CACNA1D: variants seen among roughly 807,000 people sequenced by gnomAD.
CACNA1D encodes the protein calcium voltage-gated channel subunit alpha1 D, also known as voltage-dependent L-type calcium channel subunit alpha-1D.
CACNA1D carries 55 observed loss-of-function variants against 257.1 expected under a neutral mutation model. The observed-to-expected ratio is 0.21, with a 90% CI of 0.17 to 0.27. CACNA1D has a LOEUF of 0.27. Ranked by LOEUF, CACNA1D falls within the 10% of genes least tolerant of loss-of-function variation. The pLI is 1.00. For missense variants in CACNA1D, 1,876 were observed against 2,784.0 expected (o/e 0.67, Z 7.34); for synonymous variants, 980 against 1,014.9 (o/e 0.97, Z 0.65).
chr3:53,500,311 G>A (rs1182407186), intron 2 of CACNA1D, among the ~76,000 whole-genome samples: 1 of 144,384 alleles, frequency 6.9e-6, no homozygotes, highest in African/African-American at 2.6e-5. Flanking sequence ...CATGACTGTA[G>A]TTCCAGCTAC....
intron 8 of CACNA1D, among the ~76,000 whole-genome samples, chr3:53,684,715 A>C (rs1413278787): frequency 2.0e-5 from 3 of 152,090 alleles, no homozygotes; most frequent in Admixed American, 2.0e-4. Flanking sequence ...AATTTAAAGT[A>C]AGCACAAGGT....
At chr3:53,554,564 A>G (rs2092603244) in intron 3 of CACNA1D, among the ~76,000 whole-genome samples, 2 of 152,082 alleles carry the variant, frequency 1.3e-5, no homozygotes, top group South Asian at 4.2e-4. Context: ...ATGCACTTAG[A>G]TTTCGTTACC....
intron 3 of CACNA1D, among the ~76,000 whole-genome samples, chr3:53,645,960 G>A (rs2094015441): frequency 6.6e-6 from 1 of 152,196 alleles, no homozygotes; most frequent in South Asian, 2.1e-4. Context: ...CAGATCTATG[G>A]CTCCAAGCCC....
intron 38 of CACNA1D, among the ~76,000 whole-genome samples, chr3:53,780,827 C>T (rs1015504462): frequency 1.3e-5 from 2 of 152,232 alleles, no homozygotes; most frequent in African/African-American, 2.4e-5. Context: ...AGGTGGAGAC[C>T]TCAAGGAGAG....
chr3:53,801,065 G>A lies in CACNA1D; in HGVS notation c.5048G>A (p.Gly1683Asp). The A allele has an allele frequency of 6.2e-7, 1 of 1,613,900 alleles. No individual in the cohort carries two copies. The highest frequency in any genetic ancestry group is 1.1e-5 in the South Asian group (1 of 91,068). Residue 1683 changes from glycine to aspartate, a missense_variant, in exon 42 of 48, where the codon GGT (glycine) becomes GAT (aspartate). Physicochemically the swap from Gly to Asp is moderately conservative, Grantham distance 94. Around this residue, in one of 10 missense-constraint regions of CACNA1D, gnomAD observed 160 missense variants for 236.6 expected, o/e 0.68. Coordinates refer to ENST00000350061, the MANE Select transcript of CACNA1D (RefSeq NM_001128840.3). ...TCTCCCATTATTTTGCAGAGAAATG[G>A]TGCCCTGCTTGGAAACCATGTCAAT... ...EEEDDVFKRN[G>D]ALLGNHVNHV...
In CACNA1D at chr3:53,702,674, A is replaced by C. The variant is rs753179025; in HGVS notation, c.1254A>C (p.Ala418=). The part of the protein sequence containing the change: ...EFSKEREKAK[A]RGDFQKLREK... ...CAAAGGAAAGAGAGAAGGCAAAAGC[A>C]CGGGGAGATTTCCAGAAGCTCCGGG... The change falls in exon 9 of 48, where the codon GCA becomes GCC. Residue 418 remains alanine (A), a synonymous_variant. Transcript: ENST00000350061. 6.2e-7 allele frequency: 1 copy of C among 1,614,200 alleles called. No individual in the cohort carries two copies. The highest frequency in any genetic ancestry group is 1.7e-5 in the Admixed American group (1 of 60,026).
At chr3:53,807,232 C>G (rs903419478) in intron 45 of CACNA1D, among the ~76,000 whole-genome samples, 4 of 152,204 alleles carry the variant, frequency 2.6e-5, no homozygotes, top group African/African-American at 9.6e-5. Context: ...CAGCCCCCAG[C>G]CCGGCCATTC....
chr3:53,596,414 G>A (rs556429236), intron 3 of CACNA1D, among the ~76,000 whole-genome samples: 2 of 152,290 alleles, frequency 1.3e-5, no homozygotes, highest in Non-Finnish European at 2.9e-5. Context: ...CTTACCGACT[G>A]TGTCATTTTG....
chr3:53,770,012 C>A lies in CACNA1D; in HGVS notation c.3910C>A (p.Pro1304Thr), dbSNP rs1205535399. 3 of 1,612,630 alleles carry A rather than the reference C, an allele frequency of 1.9e-6. No homozygotes were observed. The highest frequency in any genetic ancestry group is 2.5e-6 in the Non-Finnish European group (3 of 1,178,672). Residue 1304 changes from proline (P) to threonine (T), a missense_variant, in exon 31 of 48, where the codon CCT becomes ACT. Around this residue, in one of 10 missense-constraint regions of CACNA1D, gnomAD observed 204 missense variants for 309.4 expected, o/e 0.66. Coordinates refer to ENST00000350061, the MANE Select transcript of CACNA1D (RefSeq NM_001128840.3). ...SENVPVPTATPGNSEESNRIS... is the reference protein window; with the variant it reads ...SENVPVPTATTGNSEESNRIS... Reference sequence around the variant, plus strand: ...AAATGTCCCTGTCCCAACTGCTACACCTGGGGTAAGATCAGTGACTAGTCC... The same window carrying A: ...AAATGTCCCTGTCCCAACTGCTACAACTGGGGTAAGATCAGTGACTAGTCC...
intron 28 of CACNA1D, among the ~76,000 whole-genome samples, chr3:53,753,002 CT>C (rs2095239234): frequency 6.6e-6 from 1 of 152,204 alleles, no homozygotes; most frequent in African/African-American, 2.4e-5. Context: ...CTAGAGCCAG[CT>C]TTTGCACTGA....
rs936416220 is a variant in CACNA1D, at chr3:53,666,514, C to T, written c.1095C>T (p.Gly365=). 16 of 1,613,784 alleles carry T rather than the reference C, an allele frequency of 9.9e-6. No individual in the cohort carries two copies. The highest frequency in any genetic ancestry group is 1.3e-5 in the Non-Finnish European group (15 of 1,179,768). The change falls in exon 7 of 48, where the codon GGC becomes GGT. Residue 365 remains glycine, a synonymous_variant. Coordinates refer to ENST00000350061, the MANE Select transcript of CACNA1D (RefSeq NM_001128840.3). ...LTVFQCITME[G]WTDVLYWMND... ...TGTTTCAGTGCATCACCATGGAGGGCTGGACAGATGTGCTCTACTGGGTAA... is the reference window on the plus strand; with the variant it reads ...TGTTTCAGTGCATCACCATGGAGGGTTGGACAGATGTGCTCTACTGGGTAA...
intron 40 of CACNA1D, among the ~76,000 whole-genome samples, chr3:53,790,222 A>G (rs1039302161): frequency 1.3e-5 from 2 of 152,210 alleles, no homozygotes; most frequent in African/African-American, 4.8e-5. Context: ...AAATAAAGGA[A>G]CACAGCCATG....
chr3:53,564,464 T>C (rs1288836930), intron 3 of CACNA1D, among the ~76,000 whole-genome samples: 3 of 152,214 alleles, frequency 2.0e-5, no homozygotes, highest in African/African-American at 7.2e-5. Flanking sequence ...TACTCATTTA[T>C]TAAACTTCTT....
At chr3:53,787,945 C>A (rs1252914442) in intron 40 of CACNA1D, among the ~76,000 whole-genome samples, 1 of 152,122 alleles carries the variant, frequency 6.6e-6, no homozygotes, top group African/African-American at 2.4e-5. Context: ...CAATTTTATG[C>A]CCCTGTTCTC....
At chr3:53,594,017 A>G (rs1399308577) in intron 3 of CACNA1D, among the ~76,000 whole-genome samples, 2 of 152,304 alleles carry the variant, frequency 1.3e-5, no homozygotes, top group Admixed American at 6.5e-5. Flanking sequence ...AGAAGAAGGA[A>G]CAACAGAAAC....
At chr3:53,667,713 C>G (rs982847957) in intron 7 of CACNA1D, among the ~76,000 whole-genome samples, 1 of 152,132 alleles carries the variant, frequency 6.6e-6, no homozygotes, top group Non-Finnish European at 1.5e-5. Flanking sequence ...ATATTTTTAT[C>G]TTTAATCCCC....
intron 3 of CACNA1D, among the ~76,000 whole-genome samples, chr3:53,628,024 A>T (rs35989759): frequency 0.14 from 20,788 of 152,066 alleles, 1,770 homozygotes; most frequent in African/African-American, 0.24. Flanking sequence ...CATCTCAAAA[A>T]AAATAAATAA....
chr3:53,670,260 C>G (rs1225025914), intron 7 of CACNA1D, among the ~76,000 whole-genome samples: 1 of 152,162 alleles, frequency 6.6e-6, no homozygotes, highest in Non-Finnish European at 1.5e-5. Flanking sequence ...TACCAAGTTT[C>G]CAGAAGTGTT....
At chr3:53,809,623 G>A (rs1298561840) in intron 46 of CACNA1D, 5 of 351,514 alleles carry the variant, frequency 1.4e-5, no homozygotes, top group Non-Finnish European at 2.2e-5. Context: ...TCCCCTGAAT[G>A]TACTTCGGTA....
Sources: allele counts gnomAD v4.1 joint callset (sites outside exome capture counted in the v4.1 genomes callset), GRCh38; gene constraint gnomAD v4.1.1; regional missense constraint gnomAD v4.1.1; transcripts MANE v1.5; gene names NCBI Gene and HGNC (gene_info 2026-07-23, HGNC 2026-07-21).